ZFPM2: variants seen among roughly 807,000 people sequenced by gnomAD.
The protein encoded by ZFPM2 is zinc finger protein ZFPM2.
Under a neutral mutation model 98.6 loss-of-function variants are expected in ZFPM2, and 20 were observed. That is an observed-to-expected ratio of 0.20 (90% CI 0.14 to 0.29). The LOEUF (loss-of-function observed/expected upper bound fraction) is 0.29, where lower values mean the gene tolerates loss of function less well. Among genes scored for constraint, ZFPM2 ranks in the 10% least tolerant of loss-of-function variants. ZFPM2 has a pLI of 1.00. For synonymous variants in ZFPM2, 518 were observed against 502.7 expected (o/e 1.03, Z -0.41); for missense variants, 1,310 against 1,388.6 (o/e 0.94, Z 0.90).
intron 3 of ZFPM2, among the ~76,000 whole-genome samples, chr8:105,522,322 T>A (rs539249379): frequency 1.3e-5 from 2 of 152,216 alleles, no homozygotes; most frequent in Non-Finnish European, 2.9e-5. Flanking sequence ...TTAGGAACGA[T>A]GTTTGGGAGA....
chr8:105,591,599 A>C (rs1174179024), intron 4 of ZFPM2, among the ~76,000 whole-genome samples: 3 of 152,214 alleles, frequency 2.0e-5, no homozygotes, highest in Non-Finnish European at 4.4e-5. Flanking sequence ...TGTTTTTTTA[A>C]TAATACTTGA....
At chr8:105,761,651 C>T (rs975551350) in intron 5 of ZFPM2, among the ~76,000 whole-genome samples, 2 of 151,738 alleles carry the variant, frequency 1.3e-5, no homozygotes, top group Non-Finnish European at 2.9e-5. Context: ...TGATTTGACG[C>T]ACGGGCTTGT....
chr8:105,321,631 T>C lies in ZFPM2; in HGVS notation c.40+2650T>C, dbSNP rs1431128558. The stretch of plus-strand genomic sequence containing the variant: ...TTTTCTTTTACTGCATACAGTTCCC[T>C]GCTATCTAAAATTGTGATTTATGCA... On this transcript the variant is annotated intron_variant, in intron 1 of 7. Transcript: ENST00000407775. Among the ~76,000 whole-genome samples the C allele has an allele frequency of 2.6e-5, 4 of 152,238 alleles. No individual in the cohort carries two copies. The East Asian group carries it at 7.7e-4, about 29-fold the overall frequency.
At chr8:105,446,541 GAA>G (rs1226784092) in intron 3 of ZFPM2, among the ~76,000 whole-genome samples, 4 of 152,116 alleles carry the variant, frequency 2.6e-5, no homozygotes, top group Non-Finnish European at 4.4e-5. Flanking sequence ...GAGGGGGAGA[GAA>G]AGTGAACAAG....
At chr8:105,383,349 G>C (rs925306170) in intron 1 of ZFPM2, among the ~76,000 whole-genome samples, 1 of 152,132 alleles carries the variant, frequency 6.6e-6, no homozygotes, top group African/African-American at 2.4e-5. Flanking sequence ...TTTCTAAAGG[G>C]CTTCTAGTCA....
intron 3 of ZFPM2, among the ~76,000 whole-genome samples, chr8:105,492,544 A>G (rs988014611): frequency 8.5e-5 from 13 of 152,178 alleles, no homozygotes; most frequent in Admixed American, 8.5e-4. Context: ...TGCCCTACAC[A>G]TAAAGGCCAA....
chr8:105,546,680 T>G lies in ZFPM2; in HGVS notation c.302-14683T>G, dbSNP rs1170358628. 2.6e-5 allele frequency among the ~76,000 whole-genome samples: 4 copies of G among 152,232 alleles called. No homozygotes were observed. The East Asian group carries it at 7.7e-4, about 29-fold the overall frequency. On this transcript the variant is annotated intron_variant, in intron 3 of 7. Coordinates refer to ENST00000407775, the MANE Select transcript of ZFPM2 (RefSeq NM_012082.4). ...TGAGTCCTTTATCTATGTGGTCTCA[T>G]GTTCATGACAAACTTAGGAGGATCA...
At chr8:105,604,622 G>A (rs545925873) in intron 4 of ZFPM2, among the ~76,000 whole-genome samples, 9 of 152,070 alleles carry the variant, frequency 5.9e-5, no homozygotes, top group Admixed American at 5.9e-4. Context: ...TATAGAATTT[G>A]CTGGATTTTC....
chr8:105,735,701 A>G (rs959181606), intron 5 of ZFPM2, among the ~76,000 whole-genome samples: 3 of 151,966 alleles, frequency 2.0e-5, no homozygotes, highest in African/African-American at 4.8e-5. Context: ...TCATAAATAT[A>G]TACTTTGAGT....
At chr8:105,339,146 G>A (rs772043080) in intron 1 of ZFPM2, among the ~76,000 whole-genome samples, 3 of 151,772 alleles carry the variant, frequency 2.0e-5, no homozygotes, top group Non-Finnish European at 2.9e-5. Flanking sequence ...GTAGTTTTAT[G>A]TTATTTTTGT....
chr8:105,334,728 A>C (rs1812295575), intron 1 of ZFPM2, among the ~76,000 whole-genome samples: 2 of 151,676 alleles, frequency 1.3e-5, no homozygotes, highest in Admixed American at 1.3e-4. Context: ...CACCCCTATC[A>C]AATGTTTTGC....
chr8:105,347,500 C>T (rs1812561461), intron 1 of ZFPM2, among the ~76,000 whole-genome samples: 1 of 152,020 alleles, frequency 6.6e-6, no homozygotes, highest in African/African-American at 2.4e-5. Flanking sequence ...GTACTCTGTT[C>T]CTCCTGACAC....
chr8:105,643,367 A>G (rs927975566), intron 5 of ZFPM2, among the ~76,000 whole-genome samples: 7 of 152,160 alleles, frequency 4.6e-5, no homozygotes, highest in African/African-American at 1.7e-4. Flanking sequence ...CCCAATGTGG[A>G]TTCCATGGGT....
chr8:105,740,516 T>G (rs1243833856), intron 5 of ZFPM2, among the ~76,000 whole-genome samples: 2 of 147,574 alleles, frequency 1.4e-5, no homozygotes, highest in African/African-American at 2.5e-5. Context: ...CTAACATGTA[T>G]GTGTGTGTAT....
chr8:105,351,779 T>C (rs1194530617), intron 1 of ZFPM2, among the ~76,000 whole-genome samples: 7 of 152,150 alleles, frequency 4.6e-5, no homozygotes, highest in Non-Finnish European at 1.0e-4. Context: ...TTTTTTAATA[T>C]TCAAATTCAT....
chr8:105,456,173 T>G (rs1327630012), intron 3 of ZFPM2, among the ~76,000 whole-genome samples: 14 of 149,408 alleles, frequency 9.4e-5, no homozygotes, highest in African/African-American at 3.2e-4. Flanking sequence ...TGTTTGTTTT[T>G]TTTTTAAGAA....
chr8:105,661,187 C>T (rs1817381725), intron 5 of ZFPM2, among the ~76,000 whole-genome samples: 1 of 152,018 alleles, frequency 6.6e-6, no homozygotes, highest in Non-Finnish European at 1.5e-5. Context: ...GCTTCGAAAT[C>T]CCAATTACAT....
At chr8:105,705,236 TA>T (rs1422612100) in intron 5 of ZFPM2, among the ~76,000 whole-genome samples, 1 of 152,044 alleles carries the variant, frequency 6.6e-6, no homozygotes. Flanking sequence ...ATTTAGGGAA[TA>T]AAAATTTTTA....
chr8:105,396,352 G>C (rs1811218131), intron 1 of ZFPM2, among the ~76,000 whole-genome samples: 1 of 152,190 alleles, frequency 6.6e-6, no homozygotes, highest in African/African-American at 2.4e-5. Context: ...ATGTTTGATG[G>C]AGTGTGAGTA....
Sources: gnomAD v4.1 joint callset for allele counts (sites outside exome capture counted in the v4.1 genomes callset) on GRCh38, gnomAD v4.1.1 for gene constraint, MANE v1.5 for transcripts, NCBI Gene and HGNC (gene_info 2026-07-23, HGNC 2026-07-21) for gene names.